ERCC5: variants seen among roughly 807,000 people sequenced by gnomAD.
ERCC5 encodes ERCC excision repair 5, endonuclease, also known as DNA excision repair protein ERCC-5.
ERCC5 carries 68 observed loss-of-function variants against 105.6 expected under a neutral mutation model. That is an observed-to-expected ratio of 0.64 (90% CI 0.53 to 0.79). The LOEUF is 0.79. ERCC5 is among the 30% of genes least tolerant of loss of function. The pLI is 0.00. For synonymous variants in ERCC5, 546 were observed against 526.2 expected (o/e 1.04, Z -0.51); for missense variants, 1,373 against 1,426.7 (o/e 0.96, Z 0.61).
At position 102,865,738 on chromosome 13, in the gene ERCC5, C is replaced by T. The variant is rs762028012; in HGVS notation, c.2026C>T (p.Pro676Ser). The change falls in exon 9 of 15, where the codon CCT becomes TCT. Residue 676 changes from proline to serine, a missense_variant. By Grantham distance (74) the Pro-to-Ser change is moderately conservative. Around this residue, in one of 3 missense-constraint regions of ERCC5, gnomAD observed 1,004 missense variants for 1,059.7 expected, o/e 0.95. Coordinates refer to ENST00000652225, the MANE Select transcript of ERCC5 (RefSeq NM_000123.4). This position sits in a 1 kb window ranked among gnomAD's most constrained non-coding sequence, Gnocchi z 4.0. ...LQAEFPETSK[P>S]PSEQGEEELV... Reference sequence around the variant, plus strand: ...AGCAGAATTCCCTGAAACTTCCAAACCTCCCTCAGAACAAGGCGAAGAGGA... The same window carrying T: ...AGCAGAATTCCCTGAAACTTCCAAATCTCCCTCAGAACAAGGCGAAGAGGA... 1.2e-6 allele frequency: 2 copies of T among 1,613,748 alleles called. No individual in the cohort carries two copies. Among genetic ancestry groups the T allele is most frequent in the African/African-American group, 1.3e-5 (1 of 74,882 alleles).
At position 102,854,326 on chromosome 13, in the gene ERCC5, A is replaced by G. The variant is rs765366252; in HGVS notation, c.419A>G (p.Glu140Gly). The G allele has an allele frequency of 6.2e-7, 1 of 1,614,216 alleles. No individual in the cohort carries two copies. The highest frequency in any genetic ancestry group is 1.3e-5 in the African/African-American group (1 of 75,062). ...ALPSLTQVRR[E>G]NDLYVLPPLQ... ...CCCAGTCTTACCCAAGTTCGAAGAGAAAACGACCTCTATGTTTTGCCTCCT... is the reference window on the plus strand; with the variant it reads ...CCCAGTCTTACCCAAGTTCGAAGAGGAAACGACCTCTATGTTTTGCCTCCT... The change falls in exon 4 of 15, where the codon GAA (glutamate) becomes GGA (glycine). Residue 140 changes from glutamate to glycine, a missense_variant. Glu to Gly is a moderately conservative substitution (Grantham distance 98). Transcript: ENST00000652225.
intron 1 of ERCC5, among the ~76,000 whole-genome samples, chr13:102,848,730 T>C (rs1308227006): frequency 1.3e-5 from 2 of 152,226 alleles, no homozygotes; most frequent in Non-Finnish European, 2.9e-5. Context: ...AGTCAAATTA[T>C]ACAAATATTT....
Position 102,866,784 on chromosome 13 carries a change from C to G in ERCC5, c.2472C>G (p.Asn824Lys). Residue 824 changes from asparagine (N) to lysine (K), a missense_variant, in exon 11 of 15, where the codon AAC (asparagine) becomes AAG (lysine). Asn to Lys is a moderately conservative substitution (Grantham distance 94). Around this residue, in one of 3 missense-constraint regions of ERCC5, gnomAD observed 1,004 missense variants for 1,059.7 expected, o/e 0.95. Coordinates refer to ENST00000652225, the MANE Select transcript of ERCC5 (RefSeq NM_000123.4). ...WLFGARHVYR[N>K]FFNKNKFVEY... ...TTGGAGCGCGGCATGTCTATAGAAA[C>G]TTTTTTAATAAAAACAAGTTTGTAG... The G allele has an allele frequency of 1.2e-6, 2 of 1,614,138 alleles. No individual in the cohort carries two copies. Among genetic ancestry groups the G allele is most frequent in the Non-Finnish European group, 8.5e-7 (1 of 1,179,992 alleles).
At position 102,866,343 on chromosome 13, in the gene ERCC5, G is replaced by T; in HGVS notation, c.2281G>T (p.Ala761Ser). The T allele has an allele frequency of 6.2e-7, 1 of 1,614,160 alleles. No individual in the cohort carries two copies. Among genetic ancestry groups the T allele is most frequent in the African/African-American group, 1.3e-5 (1 of 75,050 alleles). ...TCAAAAACAGCAGCAAGAACGGATC[G>T]CTGCTACTGTCACCGGACAGATGTT... ...KAQKQQQERIAATVTGQMFLE... is the reference protein window; with the variant it reads ...KAQKQQQERISATVTGQMFLE... The change falls in exon 10 of 15, where the codon GCT becomes TCT. Residue 761 changes from alanine to serine, a missense_variant. Ala to Ser is a moderately conservative substitution (Grantham distance 99). This residue lies in a region of ERCC5 where 1,004 missense variants were observed against 1,059.7 expected (regional missense o/e 0.95). Coordinates refer to ENST00000652225, the MANE Select transcript of ERCC5 (RefSeq NM_000123.4).
At chr13:102,872,813 C>T (rs1001166656) in intron 13 of ERCC5, among the ~76,000 whole-genome samples, 2 of 152,194 alleles carry the variant, frequency 1.3e-5, no homozygotes, top group East Asian at 3.8e-4. Context: ...ATTATTGATT[C>T]TGAAAGAAGG....
chr13:102,855,012 A>G (rs1302127491), intron 4 of ERCC5, among the ~76,000 whole-genome samples: 1 of 152,120 alleles, frequency 6.6e-6, no homozygotes, highest in Non-Finnish European at 1.5e-5. Flanking sequence ...TTCCCAAGAG[A>G]CAACTTAGCT....
chr13:102,851,487 G>A (rs1235504947), intron 1 of ERCC5, among the ~76,000 whole-genome samples: 4 of 152,066 alleles, frequency 2.6e-5, no homozygotes, highest in African/African-American at 9.7e-5. Context: ...TAGAGATGGG[G>A]TTTCACCATG....
At chr13:102,848,865 G>A (rs760612001) in intron 1 of ERCC5, among the ~76,000 whole-genome samples, 47 of 152,034 alleles carry the variant, frequency 3.1e-4, no homozygotes, top group Non-Finnish European at 5.0e-4. Flanking sequence ...CTGAGAATTG[G>A]CATTACCTGT....
intron 14 of ERCC5, 26 bp from the exon 15 acceptor site, chr13:102,875,281 T>C: frequency 6.2e-7 from 1 of 1,604,784 alleles, no homozygotes; most frequent in South Asian, 1.1e-5. Flanking sequence ...TGATTTATTA[T>C]TATTATTCTT....
chr13:102,846,290 G>A lies in ERCC5; in HGVS notation c.24G>A (p.Lys8=). 6.2e-7 allele frequency: 1 copy of A among 1,613,954 alleles called. No homozygotes were observed. The highest frequency in any genetic ancestry group is 8.5e-7 in the Non-Finnish European group (1 of 1,179,970). ...TCATGGGGGTCCAGGGGCTCTGGAA[G>A]CTGCTGGAGTGCTCCGGGCGGCAGG... MGVQGLW[K]LLECSGRQVS... Residue 8 remains lysine (K), a synonymous_variant, in exon 1 of 15, where the codon AAG becomes AAA. Transcript: ENST00000652225.
rs746776649 is a variant in ERCC5, at chr13:102,875,355, G to A, written c.3013G>A (p.Glu1005Lys). Residue 1005 changes from glutamate to lysine, a missense_variant, in exon 15 of 15, where the codon GAA becomes AAA. This residue lies in a region of ERCC5 where 367 missense variants were observed against 350.2 expected (regional missense o/e 1.05). Coordinates refer to ENST00000652225, the MANE Select transcript of ERCC5 (RefSeq NM_000123.4). ...CTTTAGATTAGCACAACAGGAGAAA[G>A]AAGATGCTAAACGTATTAAGAGCCA... ...SFFRLAQQEK[E>K]DAKRIKSQRL... The A allele has an allele frequency of 6.2e-7, 1 of 1,613,972 alleles. No homozygotes were observed. The highest frequency in any genetic ancestry group is 8.5e-7 in the Non-Finnish European group (1 of 1,180,010).
At position 102,875,828 on chromosome 13, in the gene ERCC5, C is replaced by G. The variant is rs761650522; in HGVS notation, c.3486C>G (p.Leu1162=). ...ATGGAGGGAAAGAGAAGATGGTCCT[C>G]GTGACCGCCAGATCTGTGTTTGGGA... ...DDDGGKEKMV[L]VTARSVFGKK... is the part of the protein sequence containing the mutation. Residue 1162 remains leucine, a synonymous_variant, in exon 15 of 15, where the codon CTC becomes CTG. Transcript: ENST00000652225. The G allele has an allele frequency of 6.2e-7, 1 of 1,613,358 alleles. No homozygotes were observed. The highest frequency in any genetic ancestry group is 1.7e-5 in the Admixed American group (1 of 60,014).
In ERCC5 at chr13:102,846,372, T is replaced by C. The variant is rs1881960201; in HGVS notation, c.88+18T>C. The stretch of plus-strand genomic sequence containing the variant: ...GGCTGTTGGTATCCTTAACGCCGCG[T>C]TGGGACTTGGGGTGCAGGGATTCGG... On this transcript the variant is annotated intron_variant, in intron 1 of 14. Transcript: ENST00000652225. 1.2e-6 allele frequency: 2 copies of C among 1,609,584 alleles called. No individual in the cohort carries two copies. Among genetic ancestry groups the C allele is most frequent in the East Asian group, 4.5e-5 (2 of 44,824 alleles).
At chr13:102,855,994 A>G in intron 4 of ERCC5, 58 bp from the exon 5 acceptor site, 2 of 1,561,814 alleles carry the variant, frequency 1.3e-6, no homozygotes, top group Non-Finnish European at 1.8e-6. Context: ...GCATACAAGT[A>G]TTTTTGTAAG....
chr13:102,872,145 A>G (rs1883053968), intron 12 of ERCC5, 53 bp from the exon 13 acceptor site: 4 of 1,587,362 alleles, frequency 2.5e-6, no homozygotes, highest in African/African-American at 1.3e-5. Flanking sequence ...TCCATAGTGT[A>G]TGAACTATAA....
intron 12 of ERCC5, among the ~76,000 whole-genome samples, chr13:102,871,328 G>A (rs1173438880): frequency 2.0e-5 from 3 of 152,214 alleles, no homozygotes; most frequent in Non-Finnish European, 2.9e-5. Flanking sequence ...GACCCCCTTC[G>A]TGATGGGAGG....
rs568316205 is a variant in ERCC5, at chr13:102,861,602, G to A, written c.768G>A (p.Gln256=). The change falls in exon 7 of 15, where the codon CAG becomes CAA. Residue 256 remains glutamine (Q), a synonymous_variant. Transcript: ENST00000652225. The part of the protein sequence containing the change: ...HIEHVQKEMN[Q]QHSGHIRRQY... The stretch of plus-strand genomic sequence containing the variant: ...AACATGTCCAAAAGGAAATGAATCA[G>A]CAACATTCAGGACACATCCGAAGGC... 1.2e-6 allele frequency: 2 copies of A among 1,614,174 alleles called. No individual in the cohort carries two copies. The highest frequency in any genetic ancestry group is 1.7e-6 in the Non-Finnish European group (2 of 1,180,018).
At chr13:102,873,097 T>A (rs912338632) in intron 13 of ERCC5, among the ~76,000 whole-genome samples, 162 bp from the exon 14 acceptor site, 2 of 152,162 alleles carry the variant, frequency 1.3e-5, no homozygotes, top group Non-Finnish European at 1.5e-5. Context: ...TATGCTGGAG[T>A]CATTTATTTT....
At chr13:102,871,608 TA>T (rs2140537948) in intron 12 of ERCC5, among the ~76,000 whole-genome samples, 1 of 38,848 alleles carries the variant, frequency 2.6e-5, no homozygotes, top group East Asian at 7.2e-4. Flanking sequence ...TTGTTTTACA[TA>T]CATATGTATT....
Sources: gnomAD v4.1 joint callset for allele counts (sites outside exome capture counted in the v4.1 genomes callset) on GRCh38, gnomAD v4.1.1 for gene constraint, gnomAD v4.1.1 regional missense constraint, Gnocchi (gnomAD v3.1) non-coding constraint, MANE v1.5 for transcripts, NCBI Gene and HGNC (gene_info 2026-07-23, HGNC 2026-07-21) for gene names.